CMIP: variants seen among roughly 807,000 people sequenced by gnomAD.
CMIP encodes the protein C-Maf-inducing protein.
A neutral mutation model predicts 97.3 loss-of-function variants in CMIP; 13 were observed. The observed-to-expected ratio is 0.13, with a 90% CI of 0.09 to 0.21. The LOEUF is 0.21. Ranked by LOEUF, CMIP falls within the 10% of genes least tolerant of loss-of-function variation. The pLI is 1.00. For missense variants in CMIP, 847 were observed against 1,024.9 expected (o/e 0.83, Z 2.37); for synonymous variants, 538 against 436.3 (o/e 1.23, Z -2.91).
At position 81,575,571 on chromosome 16, in the gene CMIP, G is replaced by A. The variant is rs147060408; in HGVS notation, c.301-31996G>A. On this transcript the variant is annotated intron_variant, in intron 1 of 20. Coordinates refer to ENST00000537098, the MANE Select transcript of CMIP (RefSeq NM_198390.3). Reference sequence around the variant, plus strand: ...GTGCAGAGTAAACACAAGGGCCCTGGAGGCTGGAGCCAACACCCCCAGGAC... The same window carrying A: ...GTGCAGAGTAAACACAAGGGCCCTGAAGGCTGGAGCCAACACCCCCAGGAC... Among the ~76,000 whole-genome samples the A allele has an allele frequency of 4.1e-3, 625 of 152,312 alleles. 2 individuals are homozygous for A. Among genetic ancestry groups the A allele is most frequent in the Middle Eastern group, 0.027 (8 of 294 alleles).
chr16:81,572,499 T>C (rs1432796300), intron 1 of CMIP, among the ~76,000 whole-genome samples: 1 of 152,222 alleles, frequency 6.6e-6, no homozygotes, highest in African/African-American at 2.4e-5. Flanking sequence ...ACGGGGCCAG[T>C]GTTCTTGGAG....
Position 81,483,097 on chromosome 16 carries a change from C to A in CMIP, c.300+37556C>A, listed in dbSNP as rs186747400. 2.0e-5 allele frequency among the ~76,000 whole-genome samples: 3 copies of A among 152,122 alleles called. 1 individual carries two copies. Among genetic ancestry groups the A allele is most frequent in the South Asian group, 4.1e-4 (2 of 4,824 alleles). ...AAGTGCTGTGGAGGAAACCATCAGA[C>A]GAGGGAGGACAGAAGTATTGGTATG... On this transcript the variant is annotated intron_variant, in intron 1 of 20. Transcript: ENST00000537098.
intron 1 of CMIP, among the ~76,000 whole-genome samples, chr16:81,484,150 A>G (rs1407151630): frequency 6.6e-6 from 1 of 151,256 alleles, no homozygotes; most frequent in African/African-American, 2.4e-5. Context: ...ATCTTTTTCC[A>G]CCAACTCCAG....
intron 20 of CMIP, among the ~76,000 whole-genome samples, chr16:81,707,679 G>C (rs2052589): frequency 0.09 from 13,745 of 152,288 alleles, 653 homozygotes; most frequent in East Asian, 0.15. Context: ...AGGATCGGAG[G>C]GTGGAAGGCA....
rs1035602231 is a variant in CMIP, at chr16:81,535,242, G to T, written c.301-72325G>T. 6.6e-5 allele frequency among the ~76,000 whole-genome samples: 10 copies of T among 152,224 alleles called. No individual in the cohort carries two copies. In the East Asian group the frequency reaches 1.9e-3, roughly 29 times the overall value. ...TGGCATTACAGGTGTGAGCCACCACGTGGCCCATAATTTTTTTAAAATTGA... is the reference window on the plus strand; with the variant it reads ...TGGCATTACAGGTGTGAGCCACCACTTGGCCCATAATTTTTTTAAAATTGA... On this transcript the variant is annotated intron_variant, in intron 1 of 20. Coordinates refer to ENST00000537098, the MANE Select transcript of CMIP (RefSeq NM_198390.3).
intron 10 of CMIP, among the ~76,000 whole-genome samples, chr16:81,685,754 G>C (rs1169715060): frequency 6.7e-6 from 1 of 150,190 alleles, no homozygotes; most frequent in Non-Finnish European, 1.5e-5. Context: ...TTTAGAGATG[G>C]GATCTCTTTA....
At chr16:81,455,055 G>C (rs968402679) in intron 1 of CMIP, among the ~76,000 whole-genome samples, 12 of 152,264 alleles carry the variant, frequency 7.9e-5, no homozygotes, top group African/African-American at 2.4e-4. Context: ...TCCTAGAGCA[G>C]AGTCTACCAG....
intron 1 of CMIP, among the ~76,000 whole-genome samples, chr16:81,547,238 G>A (rs1234459585): frequency 6.6e-6 from 1 of 152,184 alleles, no homozygotes; most frequent in African/African-American, 2.4e-5. Flanking sequence ...AAAGAGAGAC[G>A]GAAGGGGTTC....
rs1199426164 is a variant in CMIP at position 81,445,090 on chromosome 16, C to A, written c.-152C>A. On this transcript the variant is annotated 5_prime_UTR_variant, in exon 1 of 21. Coordinates refer to ENST00000537098, the MANE Select transcript of CMIP (RefSeq NM_198390.3). ...CGCACGCGCCGCCCCCCGCGGGCAG[C>A]GCCCCCTCCCCTGCGGGCGCCCCCA... 1 of 293,916 alleles carries A rather than the reference C, an allele frequency of 3.4e-6. No homozygotes were observed. The highest frequency in any genetic ancestry group is 5.6e-5 in the East Asian group (1 of 17,968). 18.2% of individuals were successfully genotyped at this position (293,916 alleles called of 1,614,324 possible).
chr16:81,590,016 G>GA (rs1317886828), intron 1 of CMIP, among the ~76,000 whole-genome samples: 1 of 151,848 alleles, frequency 6.6e-6, no homozygotes, highest in Non-Finnish European at 1.5e-5. Flanking sequence ...CCGGAGGCTG[G>GA]AGGCCCAGGG....
intron 1 of CMIP, among the ~76,000 whole-genome samples, chr16:81,449,149 T>G (rs1906050807): frequency 6.6e-6 from 1 of 152,252 alleles, no homozygotes. Flanking sequence ...TTTTATTTCA[T>G]CTTACTTTTA....
chr16:81,567,358 A>T (rs564863051), intron 1 of CMIP, among the ~76,000 whole-genome samples: 2 of 152,364 alleles, frequency 1.3e-5, no homozygotes, highest in East Asian at 1.9e-4. Context: ...CCATTCTTGG[A>T]TGTGGCATCC....
chr16:81,634,675 G>C (rs1293741729), intron 3 of CMIP, among the ~76,000 whole-genome samples: 1 of 152,168 alleles, frequency 6.6e-6, no homozygotes, highest in Non-Finnish European at 1.5e-5. Flanking sequence ...GCATTACCTG[G>C]CTTGAAACTC....
chr16:81,476,317 G>C, intron 1 of CMIP: 1 of 1,528,244 alleles, frequency 6.5e-7, no homozygotes, highest in African/African-American at 1.4e-5. Context: ...ATTACGGCGT[G>C]TGAAGTCACC....
At chr16:81,536,037 T>A (rs571713585) in intron 1 of CMIP, among the ~76,000 whole-genome samples, 2 of 152,310 alleles carry the variant, frequency 1.3e-5, no homozygotes, top group Non-Finnish European at 2.9e-5. Flanking sequence ...GCTGATGTGA[T>A]CCCTGTTTGC....
At chr16:81,581,055 C>T (rs2091288314) in intron 1 of CMIP, among the ~76,000 whole-genome samples, 1 of 152,164 alleles carries the variant, frequency 6.6e-6, no homozygotes, top group Non-Finnish European at 1.5e-5. Context: ...GCTTCTTTCC[C>T]TCAGCGTCAT....
chr16:81,609,856 C>A (rs577115988), intron 2 of CMIP, among the ~76,000 whole-genome samples: 1 of 152,146 alleles, frequency 6.6e-6, no homozygotes, highest in Non-Finnish European at 1.5e-5. Flanking sequence ...ATCTGTTGGG[C>A]GATGGCCAGA....
At chr16:81,640,365 C>T (rs1283372653) in intron 3 of CMIP, among the ~76,000 whole-genome samples, 3 of 150,042 alleles carry the variant, frequency 2.0e-5, no homozygotes, top group African/African-American at 4.9e-5. Context: ...ACCACAGTTG[C>T]AGAGGGCCCT....
chr16:81,680,720 C>T (rs758582490), intron 10 of CMIP, among the ~76,000 whole-genome samples: 2 of 152,226 alleles, frequency 1.3e-5, no homozygotes, highest in Admixed American at 6.5e-5. Flanking sequence ...GCTCTCCCAG[C>T]GGCAGCCGGG....
Sources: gnomAD v4.1 joint callset for allele counts (sites outside exome capture counted in the v4.1 genomes callset) on GRCh38, gnomAD v4.1.1 for gene constraint, MANE v1.5 for transcripts, NCBI Gene and HGNC (gene_info 2026-07-23, HGNC 2026-07-21) for gene names.